ADAMTSL3: variants seen among roughly 807,000 people sequenced by gnomAD.
ADAMTSL3 encodes ADAMTS-like protein 3.
In ADAMTSL3, 128 loss-of-function variants were observed where a neutral mutation model predicts 201.7. The ratio of observed to expected loss-of-function variants is 0.63; its 90% confidence interval spans 0.55 to 0.73. The LOEUF (loss-of-function observed/expected upper bound fraction) is 0.73. Ranked by LOEUF, ADAMTSL3 falls within the 30% of genes least tolerant of loss-of-function variation. The pLI, the probability that ADAMTSL3 is intolerant of heterozygous loss-of-function variation, is 0.00. For synonymous variants in ADAMTSL3, 738 were observed against 748.4 expected (o/e 0.99, Z 0.23); for missense variants, 1,990 against 2,119.6 (o/e 0.94, Z 1.20).
intron 2 of ADAMTSL3, among the ~76,000 whole-genome samples, chr15:83,664,096 G>T (rs986348607): frequency 2.0e-5 from 3 of 152,146 alleles, no homozygotes; most frequent in African/African-American, 7.2e-5. Context: ...GTCTCATGAC[G>T]ATGTCGTCTC....
At chr15:84,008,863 A>G (rs2067949334) in intron 23 of ADAMTSL3, among the ~76,000 whole-genome samples, 1 of 152,140 alleles carries the variant, frequency 6.6e-6, no homozygotes, top group Admixed American at 6.5e-5. Context: ...TCAGTGAATG[A>G]CAAGGCAGTT....
At position 83,673,219 on chromosome 15, in the gene ADAMTSL3, C is replaced by T. The variant is rs145712082; in HGVS notation, c.69+17389C>T. On this transcript the variant is annotated intron_variant, in intron 2 of 29. Coordinates refer to ENST00000286744, the MANE Select transcript of ADAMTSL3 (RefSeq NM_207517.3). Reference sequence around the variant, plus strand: ...GGTGGGTCTTTAGCAGTGCGCTTAGCAACCAGACACTTTAAAAGATAACAG... The same window carrying T: ...GGTGGGTCTTTAGCAGTGCGCTTAGTAACCAGACACTTTAAAAGATAACAG... Among the ~76,000 whole-genome samples the T allele has an allele frequency of 2.0e-5, 3 of 152,310 alleles. No individual in the cohort carries two copies. The East Asian group carries it at 5.8e-4, about 29-fold the overall frequency.
intron 24 of ADAMTSL3, among the ~76,000 whole-genome samples, chr15:84,014,954 T>TGTGA (rs1491159931): frequency 4.0e-4 from 2 of 4,948 alleles, no homozygotes; most frequent in South Asian, 3.1e-3. Context: ...GTGTGTGTGA[T>TGTGA]TTTTTTTTTT....
chr15:83,704,301 G>T (rs2061817865), intron 2 of ADAMTSL3, 88 bp from the exon 3 acceptor site: 4 of 1,574,686 alleles, frequency 2.5e-6, no homozygotes, highest in Non-Finnish European at 3.5e-6. Flanking sequence ...ATTAATGGTG[G>T]ATTCTCCTGG....
chr15:83,875,952 T>C (rs1258519416), intron 9 of ADAMTSL3, among the ~76,000 whole-genome samples: 1 of 152,200 alleles, frequency 6.6e-6, no homozygotes, highest in African/African-American at 2.4e-5. Flanking sequence ...TTTCTCTTTC[T>C]GTAACACATC....
intron 26 of ADAMTSL3, 50 bp downstream of exon 26, chr15:84,021,643 T>C: frequency 6.3e-7 from 1 of 1,590,048 alleles, no homozygotes; most frequent in Non-Finnish European, 8.6e-7. Flanking sequence ...TTTTGTTTGT[T>C]TTGAAAGGTG....
At chr15:83,934,177 G>A (rs552257508) in intron 17 of ADAMTSL3, among the ~76,000 whole-genome samples, 3 of 151,858 alleles carry the variant, frequency 2.0e-5, no homozygotes, top group South Asian at 4.2e-4. Flanking sequence ...CAGCTGGGAG[G>A]GGGGGCTGTA....
chr15:83,799,864 A>G (rs1029886133), intron 4 of ADAMTSL3, among the ~76,000 whole-genome samples: 3 of 152,228 alleles, frequency 2.0e-5, no homozygotes, highest in African/African-American at 7.2e-5. Context: ...TCTGCAGCTT[A>G]GTTGCTTTGG....
chr15:83,865,343 C>T (rs538035111), intron 8 of ADAMTSL3, among the ~76,000 whole-genome samples: 12 of 152,254 alleles, frequency 7.9e-5, no homozygotes, highest in Admixed American at 3.3e-4. Context: ...GGGGGCATCA[C>T]GCTACCTGAC....
At chr15:83,879,327 T>A (rs1303882262) in intron 9 of ADAMTSL3, among the ~76,000 whole-genome samples, 1 of 152,178 alleles carries the variant, frequency 6.6e-6, no homozygotes, top group African/African-American at 2.4e-5. Context: ...CTAAACTTCT[T>A]GAGATGGATT....
At chr15:83,696,983 C>T (rs935560607) in intron 2 of ADAMTSL3, among the ~76,000 whole-genome samples, 4 of 152,146 alleles carry the variant, frequency 2.6e-5, no homozygotes, top group Non-Finnish European at 5.9e-5. Flanking sequence ...CTTCACTGAC[C>T]GAGGTTCTGT....
At position 83,654,189 on chromosome 15, in the gene ADAMTSL3, A is replaced by G. The variant is rs2141339832; in HGVS notation, c.-121A>G. ...GTGCCGGATTCCGCACGAGGTGTTG[A>G]CGGGCGGCTTCTGCCAACTTCTCCC... On this transcript the variant is annotated 5_prime_UTR_variant, in exon 1 of 30. Coordinates refer to ENST00000286744, the MANE Select transcript of ADAMTSL3 (RefSeq NM_207517.3). The surrounding 1 kb of genome is among the most constrained non-coding windows in gnomAD (Gnocchi z 5.3). 1 of 151,490 alleles carries G rather than the reference A, an allele frequency of 6.6e-6. No homozygotes were observed. 9.4% of individuals were successfully genotyped at this position (151,490 alleles called of 1,614,324 possible).
intron 6 of ADAMTSL3, among the ~76,000 whole-genome samples, chr15:83,837,481 T>C (rs1199588119): frequency 6.6e-6 from 1 of 152,054 alleles, no homozygotes; most frequent in Non-Finnish European, 1.5e-5. Context: ...GTTTATTTTA[T>C]ATATATAAAA....
chr15:83,839,666 G>A (rs891373756), intron 7 of ADAMTSL3, among the ~76,000 whole-genome samples: 5 of 152,148 alleles, frequency 3.3e-5, no homozygotes, highest in South Asian at 2.1e-4. Flanking sequence ...GGGAGGAAAC[G>A]TAGAGGAAGG....
At chr15:83,948,980 C>A (rs12910871) in intron 19 of ADAMTSL3, among the ~76,000 whole-genome samples, 1 of 151,870 alleles carries the variant, frequency 6.6e-6, no homozygotes, top group Non-Finnish European at 1.5e-5. Flanking sequence ...GGTATCCATC[C>A]CCTCAAGCAT....
At chr15:83,797,800 A>G (rs139113253) in intron 4 of ADAMTSL3, among the ~76,000 whole-genome samples, 6 of 152,302 alleles carry the variant, frequency 3.9e-5, no homozygotes, top group African/African-American at 1.4e-4. Flanking sequence ...GTAAACACCC[A>G]GAAGAGAACA....
intron 6 of ADAMTSL3, among the ~76,000 whole-genome samples, chr15:83,832,513 C>T (rs1227585363): frequency 1.3e-5 from 2 of 152,122 alleles, no homozygotes; most frequent in African/African-American, 2.4e-5. Flanking sequence ...ATTATGTGTT[C>T]TTCCTCGGAA....
rs187330918 is a variant in ADAMTSL3, at chr15:83,815,119, T to A, written c.364-4692T>A. On this transcript the variant is annotated intron_variant, in intron 5 of 29. Transcript: ENST00000286744. ...TTCCTCCTATCCTTCTCCTCCTCTT[T>A]CTTCTTTTCTGAGCTTCCCAGACTG... Among the ~76,000 whole-genome samples, 426 of 152,320 alleles carry A rather than the reference T, an allele frequency of 2.8e-3. 1 individual carries two copies. The highest frequency in any genetic ancestry group is 4.1e-3 in the Non-Finnish European group (281 of 68,024).
chr15:83,668,598 C>T (rs2061281995), intron 2 of ADAMTSL3, among the ~76,000 whole-genome samples: 1 of 152,052 alleles, frequency 6.6e-6, no homozygotes, highest in Non-Finnish European at 1.5e-5. Flanking sequence ...CCTAAGCTCA[C>T]TTTTTCTGTT....
Sources: gnomAD v4.1 joint callset for allele counts (sites outside exome capture counted in the v4.1 genomes callset) on GRCh38, gnomAD v4.1.1 for gene constraint, Gnocchi (gnomAD v3.1) non-coding constraint, MANE v1.5 for transcripts, NCBI Gene and HGNC (gene_info 2026-07-23, HGNC 2026-07-21) for gene names.